RETREG1: variants seen among roughly 807,000 people sequenced by gnomAD.
RETREG1 encodes the protein family with sequence similarity 134 member B.
RETREG1 carries 44 observed loss-of-function variants against 54.8 expected under a neutral mutation model. That is an observed-to-expected ratio of 0.80 (90% CI 0.63 to 1.03). RETREG1 has a LOEUF of 1.03. Among genes scored for constraint, RETREG1 ranks in the 50% least tolerant of loss-of-function variants. The probability of loss-of-function intolerance (pLI) is 0.00; values close to 1 mark genes in which losing one functional copy is unlikely to be tolerated. For synonymous variants in RETREG1, 217 were observed against 238.5 expected, an observed-to-expected ratio of 0.91 and a Z score of 0.83; for missense variants, 554 against 605.1, an observed-to-expected ratio of 0.92 and a Z score of 0.89.
chr5:16,568,386 C>CTTGAA, intron 2 of RETREG1, among the ~76,000 whole-genome samples: 1 of 151,972 alleles, frequency 6.6e-6, no homozygotes, highest in African/African-American at 2.4e-5. Flanking sequence ...ATTCTCCTGC[C>CTTGAA]TCAGCCTCTT....
Position 16,477,703 on chromosome 5 carries a change from T to C in RETREG1, c.959A>G (p.Asn320Ser), listed in dbSNP as rs755049105. 1.9e-6 allele frequency: 3 copies of C among 1,613,224 alleles called. No individual in the cohort carries two copies. Among genetic ancestry groups the C allele is most frequent in the South Asian group, 1.1e-5 (1 of 91,062 alleles). Residue 320 changes from asparagine (N) to serine (S), a missense_variant, in exon 8 of 9, where the codon AAC (asparagine) becomes AGC (serine). Transcript: ENST00000306320. ...CTGTGGAGTGTATCCTTCTGAAAGG[T>C]TGAAGGTCCCATTATCAGTCCAGGA... ...EVSWTDNGTF[N>S]LSEGYTPQTD...
intron 3 of RETREG1, among the ~76,000 whole-genome samples, chr5:16,522,309 C>T (rs995851111): frequency 7.9e-5 from 12 of 152,054 alleles, no homozygotes; most frequent in Non-Finnish European, 1.3e-4. Flanking sequence ...TTCATTTCCT[C>T]ATTGCCTCAG....
chr5:16,556,308 G>C (rs754460980), intron 3 of RETREG1, among the ~76,000 whole-genome samples: 1 of 151,870 alleles, frequency 6.6e-6, no homozygotes, highest in Admixed American at 6.6e-5. Flanking sequence ...GGCACCCGCC[G>C]CCACGCCCGG....
Position 16,616,864 on chromosome 5 carries a change from C to T in RETREG1, c.108G>A (p.Glu36=). The T allele has an allele frequency of 2.0e-6, 3 of 1,506,134 alleles. No homozygotes were observed. In the South Asian group the frequency reaches 3.7e-5, roughly 19 times the overall value. The allele number at this position is 1,506,134 out of a possible 1,614,324, so 93.3% of individuals were successfully genotyped here. A position where few individuals can be genotyped will look rare whatever the true frequency, so the allele number is the denominator to read the frequency against. Residue 36 remains glutamate, a synonymous_variant, in exon 1 of 9, where the codon GAG becomes GAA. Transcript: ENST00000306320. ...GCGCTTCCTCCTCCTGCTGCTGCCG[C>T]TCTGCGGGGGATGCCTGGGGCGGTG... ...SPPPPQASPA[E]RQQQEEEAQE...
intron 3 of RETREG1, among the ~76,000 whole-genome samples, chr5:16,495,538 T>G (rs1235301178): frequency 6.6e-6 from 1 of 152,182 alleles, no homozygotes. Flanking sequence ...CAGCTCCAGC[T>G]ATGGCTCAAA....
Position 16,601,276 on chromosome 5 carries a change from G to A in RETREG1, c.320+15376C>T, listed in dbSNP as rs545950856. ...CCAGCTACTCGGGAGGCTGAGGTGG[G>A]AGGATCGCTTAAGCTATGATCTCAC... On this transcript the variant is annotated intron_variant, in intron 1 of 8. Coordinates refer to ENST00000306320, the MANE Select transcript of RETREG1 (RefSeq NM_001034850.3). Among the ~76,000 whole-genome samples the A allele has an allele frequency of 7.7e-4, 91 of 118,348 alleles. 1 individual carries two copies. Among genetic ancestry groups the A allele is most frequent in the Non-Finnish European group, 1.4e-3 (74 of 53,328 alleles). The allele number at this position is 118,348 out of a possible 152,430, so 77.6% of individuals were successfully genotyped here.
Position 16,474,669 on chromosome 5 carries a change from C to CTTTTTTTTTTTTTTTTTTTTTTTTTAAAT in RETREG1, c.*71_*72insATTTAAAAAAAAAAAAAAAAAAAAAAAAA. ...CTTACAGTTCAATTTTTTTCTTTTC[C>CTTTTTTTTTTTTTTTTTTTTTTTTTAAAT]TTTTTTTTTTTTTTTTCTTGTTTGA... On this transcript the variant is annotated 3_prime_UTR_variant, in exon 9 of 9. Transcript: ENST00000306320. The CTTTTTTTTTTTTTTTTTTTTTTTTTAAAT allele has an allele frequency of 7.9e-7, 1 of 1,264,832 alleles. No individual in the cohort carries two copies. 78.4% of individuals were successfully genotyped at this position (1,264,832 alleles called of 1,614,324 possible).
At position 16,594,244 on chromosome 5, in the gene RETREG1, G is replaced by A. The variant is rs368106792; in HGVS notation, c.321-22142C>T. On this transcript the variant is annotated intron_variant, in intron 1 of 8. Transcript: ENST00000306320. This position sits in a 1 kb window ranked among gnomAD's most constrained non-coding sequence, Gnocchi z 4.4. ...ACCTTTTGGCTGTATTCAGTGATACGATTAAGAATCAAAATTTCTCCTGAT... is the reference window on the plus strand; with the variant it reads ...ACCTTTTGGCTGTATTCAGTGATACAATTAAGAATCAAAATTTCTCCTGAT... Among the ~76,000 whole-genome samples the A allele has an allele frequency of 2.0e-5, 3 of 152,302 alleles. No homozygotes were observed. Among genetic ancestry groups the A allele is most frequent in the East Asian group, 3.9e-4 (2 of 5,184 alleles).
intron 1 of RETREG1, among the ~76,000 whole-genome samples, chr5:16,600,410 G>GA (rs971882403): frequency 2.0e-5 from 3 of 152,208 alleles, no homozygotes; most frequent in Non-Finnish European, 4.4e-5. Context: ...GTTGTTCTCT[G>GA]AAAAAATTAA....
At chr5:16,576,241 A>C (rs1043087598) in intron 1 of RETREG1, among the ~76,000 whole-genome samples, 1 of 151,694 alleles carries the variant, frequency 6.6e-6, no homozygotes, top group Non-Finnish European at 1.5e-5. Flanking sequence ...ACATCATGTA[A>C]TTTAATCTGC....
intron 3 of RETREG1, among the ~76,000 whole-genome samples, chr5:16,499,175 C>CA (rs1184456877): frequency 2.0e-5 from 3 of 152,020 alleles, no homozygotes; most frequent in Non-Finnish European, 4.4e-5. Flanking sequence ...CATCACCAGG[C>CA]AACAGGGACT....
In RETREG1 at chr5:16,583,036, G is replaced by A. The variant is rs147998315; in HGVS notation, c.321-10934C>T. ...TGGGCAGACATCTGTGCCTGCTCAG[G>A]CTCAGCAATGCAGGAGGTCACAGCA... On this transcript the variant is annotated intron_variant, in intron 1 of 8. Coordinates refer to ENST00000306320, the MANE Select transcript of RETREG1 (RefSeq NM_001034850.3). Among the ~76,000 whole-genome samples the A allele has an allele frequency of 1.8e-3, 280 of 152,304 alleles. 3 individuals carry two copies. Among genetic ancestry groups the A allele is most frequent in the African/African-American group, 6.3e-3 (263 of 41,554 alleles).
intron 3 of RETREG1, among the ~76,000 whole-genome samples, chr5:16,498,153 G>A (rs1175498273): frequency 6.6e-6 from 1 of 152,200 alleles, no homozygotes; most frequent in African/African-American, 2.4e-5. Flanking sequence ...CTACAGTCAT[G>A]CATCATTTAC....
Position 16,473,457 on chromosome 5 carries a change from A to G in RETREG1, c.*1284T>C, listed in dbSNP as rs368744117. ...GAAAGGAAGAGAACACAGATTTCCT[A>G]TATTCTTGGATTATCCTTCCTTTCT... On this transcript the variant is annotated 3_prime_UTR_variant, in exon 9 of 9. Transcript: ENST00000306320. 3.9e-5 allele frequency: 6 copies of G among 152,610 alleles called. No homozygotes were observed. The highest frequency in any genetic ancestry group is 2.1e-4 in the South Asian group (1 of 4,832). 9.5% of individuals were successfully genotyped at this position (152,610 alleles called of 1,614,324 possible).
intron 3 of RETREG1, among the ~76,000 whole-genome samples, chr5:16,554,853 C>G (rs1741662014): frequency 6.6e-6 from 1 of 152,114 alleles, no homozygotes. Context: ...CAATGGTCAC[C>G]CTCACACAAG....
intron 3 of RETREG1, among the ~76,000 whole-genome samples, chr5:16,542,218 CTCTCTGTCACCACGGATTCGTA>C (rs1741270712): frequency 6.6e-6 from 1 of 152,240 alleles, no homozygotes; most frequent in South Asian, 2.1e-4. Flanking sequence ...CACCACTGCT[CTCTCTGTCACCACGGATTCGTA>C]AAGGCAGGAG....
rs1741367979 is a variant in RETREG1 at position 16,545,708 on chromosome 5, G to A, written c.458+20055C>T. Among the ~76,000 whole-genome samples, 3 of 152,252 alleles carry A rather than the reference G, an allele frequency of 2.0e-5. No individual in the cohort carries two copies. In the South Asian group the frequency reaches 6.2e-4, roughly 32 times the overall value. On this transcript the variant is annotated intron_variant, in intron 3 of 8. Transcript: ENST00000306320. ...TGCTTCTGTTCCTGGGAACGTCTTG[G>A]TTCCTGTTCCTAGCATTTCTTTCTC...
chr5:16,526,662 C>T (rs528990551), intron 3 of RETREG1, among the ~76,000 whole-genome samples: 8 of 152,204 alleles, frequency 5.3e-5, no homozygotes, highest in Admixed American at 2.6e-4. Flanking sequence ...ACTGTGAGTC[C>T]GACACTGTTC....
In RETREG1 at chr5:16,478,036, T is replaced by C. The variant is rs1410294018; in HGVS notation, c.871A>G (p.Lys291Glu). The change falls in exon 7 of 9, where the codon AAG becomes GAG. Residue 291 changes from lysine (K) to glutamate (E), a missense_variant and splice_region_variant. Physicochemically the swap from Lys to Glu is moderately conservative, Grantham distance 56 (BLOSUM62 1). Transcript: ENST00000306320. ...ATTGAAAACTAAACAAAAAATACCTTAGGACAAAGAGCTGAAAAGTCTAAT... is the reference window on the plus strand; with the variant it reads ...ATTGAAAACTAAACAAAAAATACCTCAGGACAAAGAGCTGAAAAGTCTAAT... ...SELDFSALCPKISLTVAAKEL... is the reference protein window; with the variant it reads ...SELDFSALCPEISLTVAAKEL... 5.0e-6 allele frequency: 8 copies of C among 1,607,262 alleles called. No individual in the cohort carries two copies. The highest frequency in any genetic ancestry group is 2.2e-5 in the South Asian group (2 of 89,988).
Sources: allele counts gnomAD v4.1 joint callset (sites outside exome capture counted in the v4.1 genomes callset), GRCh38; gene constraint gnomAD v4.1.1; non-coding constraint Gnocchi (gnomAD v3.1); transcripts MANE v1.5; gene names NCBI Gene and HGNC (gene_info 2026-07-23, HGNC 2026-07-21).